The following GGA2 variants were observed in gnomAD, a reference collection of about 807,000 sequenced individuals.
The protein encoded by GGA2 is golgi associated, gamma adaptin ear containing, ARF binding protein 2.
Under a neutral mutation model 79.5 loss-of-function variants are expected in GGA2, and 48 were observed. The observed-to-expected ratio is 0.60, with a 90% CI of 0.48 to 0.77. The LOEUF is 0.77. GGA2 is among the 30% of genes least tolerant of loss of function. The pLI is 0.00. For missense variants in GGA2, 770 were observed against 774.0 expected (o/e 0.99, Z 0.06); for synonymous variants, 317 against 302.0 (o/e 1.05, Z -0.51).
At chr16:23,489,439 CTA>C (rs745852569) in intron 5 of GGA2, among the ~76,000 whole-genome samples, 3 of 152,108 alleles carry the variant, frequency 2.0e-5, no homozygotes, top group Non-Finnish European at 4.4e-5. Flanking sequence ...GGGGGTCTCG[CTA>C]TGTTGCCCAG....
At chr16:23,491,214 G>A (rs1964780901) in intron 5 of GGA2, among the ~76,000 whole-genome samples, 1 of 149,214 alleles carries the variant, frequency 6.7e-6, no homozygotes, top group Admixed American at 6.8e-5. Context: ...GACTGAGGCA[G>A]GAAAATGGCT....
intron 14 of GGA2, among the ~76,000 whole-genome samples, chr16:23,471,333 T>C (rs1268604367): frequency 6.6e-6 from 1 of 152,184 alleles, no homozygotes; most frequent in Non-Finnish European, 1.5e-5. Flanking sequence ...AAAGAGACTT[T>C]TAATTTAGCT....
chr16:23,510,794 C>G (rs146740311), upstream of GGA2, among the ~76,000 whole-genome samples: 486 of 152,352 alleles, frequency 3.2e-3, 2 homozygotes, highest in African/African-American at 0.011. Context: ...GCAGCCTCCA[C>G]CTCCTAGGCT....
chr16:23,478,549 T>C, intron 12 of GGA2, 48 bp from the exon 13 acceptor site: 1 of 1,587,040 alleles, frequency 6.3e-7, no homozygotes, highest in Non-Finnish European at 8.6e-7. Flanking sequence ...TGAATGACCA[T>C]CAGCCACAGT....
chr16:23,475,608 G>A (rs1964567481), intron 13 of GGA2, among the ~76,000 whole-genome samples: 1 of 151,324 alleles, frequency 6.6e-6, no homozygotes, highest in Non-Finnish European at 1.5e-5. Context: ...GACGATGTAT[G>A]AAAAGCACTT....
At chr16:23,489,175 GGT>G (rs1567364836) in intron 5 of GGA2, among the ~76,000 whole-genome samples, 1 of 152,146 alleles carries the variant, frequency 6.6e-6, no homozygotes, top group Non-Finnish European at 1.5e-5. Context: ...GACACACAAA[GGT>G]GGGAACTATC....
chr16:23,482,819 C>A, intron 9 of GGA2, 104 bp downstream of exon 9: 2 of 767,884 alleles, frequency 2.6e-6, no homozygotes, highest in Non-Finnish European at 4.7e-6. Flanking sequence ...CTCCACGGAA[C>A]CGAAAGTCCA....
rs746425761 is a variant in GGA2 at position 23,495,715 on chromosome 16, T to G, written c.155A>C (p.Gln52Pro). 1.2e-6 allele frequency: 2 copies of G among 1,609,918 alleles called. No homozygotes were observed. Among genetic ancestry groups the G allele is most frequent in the Non-Finnish European group, 1.7e-6 (2 of 1,176,144 alleles). Reference sequence around the variant, plus strand: ...TTACCCATTGGGGTCAGTGTTCACCTGCTCACAGAAATTCTGGATAGCTGA... The same window carrying G: ...TTACCCATTGGGGTCAGTGTTCACCGGCTCACAGAAATTCTGGATAGCTGA... ...DWSAIQNFCE[Q>P]VNTDPNGPTH... The change falls in exon 2 of 17, where the codon CAG becomes CCG. Residue 52 changes from glutamine to proline, a missense_variant. Gln to Pro is a moderately conservative substitution (Grantham distance 76, BLOSUM62 -1). Coordinates refer to ENST00000309859, the MANE Select transcript of GGA2 (RefSeq NM_015044.4).
intron 12 of GGA2, 109 bp from the exon 13 acceptor site, chr16:23,478,610 C>T (rs1964606776): frequency 3.8e-6 from 4 of 1,042,936 alleles, no homozygotes; most frequent in Non-Finnish European, 6.0e-6. Flanking sequence ...GTGGCCCAGA[C>T]TGGTGACATC....
chr16:23,501,434 T>C (rs945455231), intron 1 of GGA2: 5 of 438,534 alleles, frequency 1.1e-5, no homozygotes, highest in Admixed American at 5.1e-5. Context: ...GCTACTTGAG[T>C]TTAATATTCA....
intron 11 of GGA2, 43 bp downstream of exon 11, chr16:23,479,722 C>G (rs757022814): frequency 6.8e-6 from 11 of 1,610,026 alleles, no homozygotes; most frequent in Non-Finnish European, 9.3e-6. Context: ...CTCCCCTACT[C>G]GCACCCATCC....
upstream of GGA2, among the ~76,000 whole-genome samples, chr16:23,512,472 A>G (rs928512792): frequency 6.6e-6 from 1 of 152,188 alleles, no homozygotes. Context: ...TATGCCATAC[A>G]GAAGCACAAA....
rs1238270052 is a variant in GGA2, at chr16:23,480,751, A to G, written c.900T>C (p.Asn300=). ...GCAGAACTCCTTGGGTGAGGAGGTC[A>G]TTTGCCTGGAGAATTTCCGCTGAAG... ...DDALAEILQA[N]DLLTQGVLLY... Residue 300 remains asparagine, a synonymous_variant, in exon 10 of 17, where the codon AAT becomes AAC. Transcript: ENST00000309859. 1.9e-6 allele frequency: 3 copies of G among 1,610,442 alleles called. No homozygotes were observed. Among genetic ancestry groups the G allele is most frequent in the African/African-American group, 2.7e-5 (2 of 74,872 alleles).
At chr16:23,510,560 C>A, upstream of GGA2, 1 of 389,498 alleles carries the variant, frequency 2.6e-6, no homozygotes, top group South Asian at 1.1e-4. Context: ...CAGGCCCCCC[C>A]TCCACGCGGG....
At chr16:23,510,607 C>G (rs987370318), upstream of GGA2, 9 of 381,264 alleles carry the variant, frequency 2.4e-5, no homozygotes, top group African/African-American at 1.7e-4. Context: ...ATCCCTCCAC[C>G]CAGCGCTGGT....
chr16:23,497,240 C>T (rs2142136433), intron 1 of GGA2, among the ~76,000 whole-genome samples: 1 of 152,264 alleles, frequency 6.6e-6, no homozygotes, highest in South Asian at 2.1e-4. Flanking sequence ...TGAGGCGTTG[C>T]TTCTCGGGGC....
Position 23,493,348 on chromosome 16 carries a change from C to T in GGA2, c.351+12G>A, listed in dbSNP as rs760515075. ...TGCGACACAGTCAGCAGAGCCAAGC[C>T]CAGGTACTCACCTTTGGGGACAACA... On this transcript the variant is annotated intron_variant, in intron 4 of 16. Transcript: ENST00000309859. 6.6e-6 allele frequency: 10 copies of T among 1,512,834 alleles called. No individual in the cohort carries two copies. In the African/African-American group the frequency reaches 1.4e-4, roughly 21 times the overall value. The allele number at this position is 1,512,834 out of a possible 1,614,324, so 93.7% of individuals were successfully genotyped here. A position where few individuals can be genotyped will look rare whatever the true frequency, so the allele number is the denominator to read the frequency against.
upstream of GGA2, among the ~76,000 whole-genome samples, chr16:23,514,040 AAT>A (rs1456222033): frequency 2.6e-5 from 4 of 152,158 alleles, no homozygotes; most frequent in East Asian, 7.7e-4. Flanking sequence ...ATCAAACCTA[AAT>A]ATAAAAGTAG....
chr16:23,492,318 G>A (rs558957545), intron 4 of GGA2, among the ~76,000 whole-genome samples: 20 of 152,244 alleles, frequency 1.3e-4, no homozygotes, highest in Admixed American at 9.2e-4. Flanking sequence ...TCCCCTGACC[G>A]GTGCCCCCAC....
Sources: gnomAD v4.1 joint callset for allele counts (sites outside exome capture counted in the v4.1 genomes callset) on GRCh38, gnomAD v4.1.1 for gene constraint, MANE v1.5 for transcripts, NCBI Gene and HGNC (gene_info 2026-07-23, HGNC 2026-07-21) for gene names.